Variants in AP3B1 observed in about 807,000 individuals in gnomAD.
The protein encoded by AP3B1 is AP-3 complex subunit beta-1.
A neutral mutation model predicts 132.5 loss-of-function variants in AP3B1; 61 were observed. The observed-to-expected ratio is 0.46, with a 90% confidence interval of 0.37 to 0.57. The LOEUF is 0.57. AP3B1 is among the 20% of genes least tolerant of loss of function. The probability of loss-of-function intolerance (pLI) is 0.00; values close to 1 mark genes in which losing one functional copy is unlikely to be tolerated. For missense variants in AP3B1, 1,120 were observed against 1,289.4 expected (o/e 0.87, Z 2.01); for synonymous variants, 388 against 438.3 (o/e 0.89, Z 1.43).
chr5:78,049,822 C>T lies in AP3B1; in HGVS notation c.2578-10548G>A, dbSNP rs149125159. On this transcript the variant is annotated intron_variant, in intron 22 of 26. Transcript: ENST00000255194. ...TAGAATGTATCAGTTAAAGTTACAT[C>T]ATGCACTGGGGTGATGAAATAATTT... Among the ~76,000 whole-genome samples, 16 of 152,266 alleles carry T rather than the reference C, an allele frequency of 1.1e-4. No individual in the cohort carries two copies. The East Asian group carries it at 3.1e-3, about 29-fold the overall frequency.
At chr5:78,278,026 CT>C (rs1415686254) in intron 1 of AP3B1, among the ~76,000 whole-genome samples, 4 of 152,090 alleles carry the variant, frequency 2.6e-5, no homozygotes, top group African/African-American at 9.7e-5. Context: ...TTAGGAATGT[CT>C]TCTAGAATGT....
chr5:78,225,544 T>C lies in AP3B1; in HGVS notation c.601A>G (p.Thr201Ala). 6.4e-7 allele frequency: 1 copy of C among 1,551,084 alleles called. No individual in the cohort carries two copies. Among genetic ancestry groups the C allele is most frequent in the Non-Finnish European group, 8.9e-7 (1 of 1,125,200 alleles). The change falls in exon 6 of 27, where the codon ACA (threonine) becomes GCA (alanine). Residue 201 changes from threonine to alanine, a missense_variant and splice_region_variant. Physicochemically the swap from Thr to Ala is moderately conservative, Grantham distance 58. Coordinates refer to ENST00000255194, the MANE Select transcript of AP3B1 (RefSeq NM_003664.5). ...VIEKLLKDKS[T>A]LVAGSVVMAF... ...AGACGTAAAAAGACATTACTTACTG[T>C]GCTTTTATCTTTCAGAAGTTTTTCA...
chr5:78,154,329 G>A (rs1187164868), intron 14 of AP3B1, among the ~76,000 whole-genome samples: 1 of 152,122 alleles, frequency 6.6e-6, no homozygotes, highest in Non-Finnish European at 1.5e-5. Context: ...ACAGGTATCA[G>A]ACTTCAATTG....
chr5:78,000,566 A>G (rs775387937), downstream of AP3B1: 1 of 152,204 alleles, frequency 6.6e-6, no homozygotes, highest in Non-Finnish European at 1.5e-5. Flanking sequence ...TGAGAAATGC[A>G]TTGTTACAGT....
chr5:78,028,964 TTTTTC>T (rs2112082044), intron 24 of AP3B1, among the ~76,000 whole-genome samples: 1 of 152,320 alleles, frequency 6.6e-6, no homozygotes, highest in South Asian at 2.1e-4. Context: ...TTCGTTGTCT[TTTTTC>T]TTTAATCATA....
rs151119425 is a variant in AP3B1 at position 78,191,834 on chromosome 5, T to C, written c.787-10172A>G. ...ATTACTGTTTCTCAATCTAGGTATT[T>C]GATACATAGGTGTATTCAGTTTGTG... On this transcript the variant is annotated intron_variant, in intron 7 of 26. Transcript: ENST00000255194. Among the ~76,000 whole-genome samples the C allele has an allele frequency of 7.2e-5, 11 of 152,320 alleles. No homozygotes were observed. In the East Asian group the frequency reaches 2.1e-3, roughly 29 times the overall value.
chr5:78,200,155 A>T (rs190304901), intron 7 of AP3B1, among the ~76,000 whole-genome samples: 1 of 152,042 alleles, frequency 6.6e-6, no homozygotes, highest in African/African-American at 2.4e-5. Flanking sequence ...GTGGCACTGG[A>T]GGCAAAGATG....
intron 25 of AP3B1, chr5:78,015,807 A>G: frequency 2.4e-6 from 1 of 422,762 alleles, no homozygotes; most frequent in South Asian, 2.4e-5. Context: ...ATAGGATAAA[A>G]ACTTAGAATC....
intron 2 of AP3B1, among the ~76,000 whole-genome samples, chr5:78,257,557 G>A (rs946258280): frequency 1.3e-5 from 2 of 152,110 alleles, no homozygotes; most frequent in Non-Finnish European, 2.9e-5. Flanking sequence ...TGTGTTCATG[G>A]CCTGGAAGGC....
At chr5:78,209,289 C>T (rs1422037817) in intron 7 of AP3B1, among the ~76,000 whole-genome samples, 1 of 152,156 alleles carries the variant, frequency 6.6e-6, no homozygotes, top group Non-Finnish European at 1.5e-5. Flanking sequence ...GCATTAACAT[C>T]AACATAGACC....
rs199910628 is a variant in AP3B1 at position 78,034,411 on chromosome 5, T to A, written c.2844A>T (p.Ser948=). Residue 948 remains serine, a synonymous_variant, in exon 24 of 27, where the codon TCA becomes TCT. Coordinates refer to ENST00000255194, the MANE Select transcript of AP3B1 (RefSeq NM_003664.5). The stretch of plus-strand genomic sequence containing the variant: ...TAGAATCACAAAAGTCAATACCCAT[T>A]GAAACTGTAATGGATCCCTCAGGCT... ...SLEPEGSITV[S]MGIDFCDSTQ... The A allele has an allele frequency of 5.6e-6, 9 of 1,612,094 alleles. No homozygotes were observed. Among genetic ancestry groups the A allele is most frequent in the Non-Finnish European group, 6.8e-6 (8 of 1,178,456 alleles).
At chr5:78,227,576 A>G (rs746388412) in intron 4 of AP3B1, 44 bp from the exon 5 acceptor site, 5 of 1,597,660 alleles carry the variant, frequency 3.1e-6, no homozygotes, top group Middle Eastern at 1.7e-4. Flanking sequence ...CAACTTTACA[A>G]TATTTTAAAC....
rs549749043 is a variant in AP3B1, at chr5:78,122,718, C to T, written c.1968+5312G>A. 3.2e-3 allele frequency among the ~76,000 whole-genome samples: 494 copies of T among 152,284 alleles called. 2 individuals carry two copies. Among genetic ancestry groups the T allele is most frequent in the Non-Finnish European group, 4.3e-3 (292 of 68,020 alleles). On this transcript the variant is annotated intron_variant, in intron 17 of 26. Transcript: ENST00000255194. Reference sequence around the variant, plus strand: ...AAGAGGATACAAACAAATGGAGGAACATTCCATGCTCATGGGTAGGAAGAA... The same window carrying T: ...AAGAGGATACAAACAAATGGAGGAATATTCCATGCTCATGGGTAGGAAGAA...
chr5:78,116,269 C>A, intron 17 of AP3B1, 35 bp from the exon 18 acceptor site: 1 of 1,550,562 alleles, frequency 6.4e-7, no homozygotes, highest in Non-Finnish European at 8.9e-7. Context: ...TAAATGAATT[C>A]TCATTCAGAG....
chr5:78,172,736 TTTGAAGGGTATTTCGTTATTA>T (rs931584850), intron 11 of AP3B1, among the ~76,000 whole-genome samples: 3 of 151,576 alleles, frequency 2.0e-5, no homozygotes, highest in African/African-American at 7.2e-5. Flanking sequence ...GTATTTCGTT[TTTGAAGGGTATTTCGTTATTA>T]TTGAAGGGTA....
intron 22 of AP3B1, chr5:78,043,833 T>C: frequency 2.7e-6 from 1 of 366,044 alleles, no homozygotes; most frequent in South Asian, 2.6e-5. Context: ...TACCAGGGAA[T>C]ACACCCTGAC....
In AP3B1 at chr5:78,113,923, T is replaced by C; in HGVS notation, c.2078A>G (p.Glu693Gly). The C allele has an allele frequency of 6.2e-7, 1 of 1,613,990 alleles. No individual in the cohort carries two copies. Among genetic ancestry groups the C allele is most frequent in the Non-Finnish European group, 8.5e-7 (1 of 1,179,914 alleles). Residue 693 changes from glutamate to glycine, a missense_variant and splice_region_variant, in exon 19 of 27, where the codon GAG becomes GGG. Glu to Gly is a moderately conservative substitution (Grantham distance 98). Around this residue, in one of 3 missense-constraint regions of AP3B1, gnomAD observed 906 missense variants for 997.1 expected, o/e 0.91. Coordinates refer to ENST00000255194, the MANE Select transcript of AP3B1 (RefSeq NM_003664.5). Reference protein sequence around the residue: ...EDSSDSSSDSESESGSESGEQ... With the variant: ...EDSSDSSSDSGSESGSESGEQ... Reference sequence around the variant, plus strand: ...TCCACTTTCACTTCCAGATTCACTCTCTGAAAAACAGAACCAGATGTTCTT... The same window carrying C: ...TCCACTTTCACTTCCAGATTCACTCCCTGAAAAACAGAACCAGATGTTCTT...
chr5:78,078,970 T>A (rs1317742040), intron 22 of AP3B1, among the ~76,000 whole-genome samples: 2 of 152,204 alleles, frequency 1.3e-5, no homozygotes, highest in Non-Finnish European at 2.9e-5. Flanking sequence ...CTTACAGATT[T>A]CAGATATGAA....
chr5:78,202,374 C>T (rs112458263), intron 7 of AP3B1, among the ~76,000 whole-genome samples: 2,158 of 152,162 alleles, frequency 0.014, 27 homozygotes, highest in Non-Finnish European at 0.02. Context: ...TTACAACTCC[C>T]CATCCCCCAA....
Sources: allele counts gnomAD v4.1 joint callset (sites outside exome capture counted in the v4.1 genomes callset), GRCh38; gene constraint gnomAD v4.1.1; regional missense constraint gnomAD v4.1.1; transcripts MANE v1.5; gene names NCBI Gene and HGNC (gene_info 2026-07-23, HGNC 2026-07-21).